ALDH1A1: variants seen among roughly 807,000 people sequenced by gnomAD.
ALDH1A1 encodes the protein aldehyde dehydrogenase 1A1.
A neutral mutation model predicts 62.1 loss-of-function variants in ALDH1A1; 19 were observed. That is an observed-to-expected ratio of 0.31 (90% CI 0.21 to 0.45). The LOEUF (loss-of-function observed/expected upper bound fraction) is 0.45, where lower values mean the gene tolerates loss of function less well. Ranked by LOEUF, ALDH1A1 falls within the 20% of genes least tolerant of loss-of-function variation. The pLI, the probability that ALDH1A1 is intolerant of heterozygous loss-of-function variation, is 1.00. For synonymous variants in ALDH1A1, 231 were observed against 215.9 expected (o/e 1.07, Z -0.61); for missense variants, 521 against 607.1 (o/e 0.86, Z 1.49).
chr9:72,909,135 C>T (rs1231446422), intron 11 of ALDH1A1, among the ~76,000 whole-genome samples: 2 of 146,636 alleles, frequency 1.4e-5, no homozygotes, highest in Non-Finnish European at 3.0e-5. Context: ...AATATCCTCC[C>T]TAAAGTTCTT....
rs114643329 is a variant in ALDH1A1, at chr9:72,946,461, C to T, written c.67-6209G>A. On this transcript the variant is annotated intron_variant, in intron 1 of 12. Coordinates refer to ENST00000297785, the MANE Select transcript of ALDH1A1 (RefSeq NM_000689.5). ...ATCAGGTAGAGATAATATCAGAAAA[C>T]CCAATATTAGCAACACTTCACATCC... Among the ~76,000 whole-genome samples the T allele has an allele frequency of 3.6e-3, 542 of 151,994 alleles. 5 individuals are homozygous for T. Among genetic ancestry groups the T allele is most frequent in the African/African-American group, 0.012 (515 of 41,496 alleles).
chr9:72,942,273 C>A, intron 1 of ALDH1A1: 1 of 984,896 alleles, frequency 1.0e-6, no homozygotes, highest in Non-Finnish European at 1.2e-6. Flanking sequence ...CAAGGGATGG[C>A]TGGGAAAGAA....
At position 72,908,507 on chromosome 9, in the gene ALDH1A1, GA is replaced by G. The variant is rs1346258659; in HGVS notation, c.1358+1094del. On this transcript the variant is annotated intron_variant, in intron 11 of 12. Transcript: ENST00000297785. ...GAAAGAGAAAGAGAGAGAGAGAGAC[GA>G]AAGAAAGAAAGAAAGAAAGAAAGAA... Among the ~76,000 whole-genome samples the G allele has an allele frequency of 3.3e-3, 19 of 5,756 alleles. 4 individuals are homozygous for G. In the East Asian group the frequency reaches 0.079, roughly 24 times the overall value. The allele number at this position is 5,756 out of a possible 152,430, so 3.8% of individuals were successfully genotyped here. A position where few individuals can be genotyped will look rare whatever the true frequency, so the allele number is the denominator to read the frequency against.
intron 7 of ALDH1A1, among the ~76,000 whole-genome samples, chr9:72,920,946 C>G (rs1830132945): frequency 6.6e-6 from 1 of 152,152 alleles, no homozygotes; most frequent in African/African-American, 2.4e-5. Flanking sequence ...GGGTAGAGTT[C>G]TATTTTATAT....
intron 7 of ALDH1A1, among the ~76,000 whole-genome samples, chr9:72,921,227 G>A (rs1830138179): frequency 7.0e-6 from 1 of 142,934 alleles, no homozygotes; most frequent in African/African-American, 2.7e-5. Flanking sequence ...GGGTGACAGT[G>A]CACGACTCCT....
rs773380862 is a variant in ALDH1A1, at chr9:72,909,711, C to T, written c.1249G>A (p.Val417Met). The change falls in exon 11 of 13, where the codon GTG (valine) becomes ATG (methionine). Residue 417 changes from valine to methionine, a missense_variant. Transcript: ENST00000297785. Reference sequence around the variant, plus strand: ...AAAGTATTGTTTGCTCTTTTGATCACGTCATCTAAAGATTTAAACTTCATG... The same window carrying T: ...AAAGTATTGTTTGCTCTTTTGATCATGTCATCTAAAGATTTAAACTTCATG... ...QIMKFKSLDDVIKRANNTFYG... is the reference protein window; with the variant it reads ...QIMKFKSLDDMIKRANNTFYG... 30 of 1,613,578 alleles carry T rather than the reference C, an allele frequency of 1.9e-5. No individual in the cohort carries two copies. The Admixed American group carries it at 3.0e-4, about 16-fold the overall frequency.
intron 9 of ALDH1A1, among the ~76,000 whole-genome samples, chr9:72,913,319 A>T (rs910363012): frequency 1.3e-5 from 2 of 152,202 alleles, no homozygotes; most frequent in Non-Finnish European, 2.9e-5. Context: ...ATTTAATATA[A>T]TATCCCAGAA....
chr9:72,949,317 T>C (rs768162674), intron 1 of ALDH1A1, among the ~76,000 whole-genome samples: 34 of 151,898 alleles, frequency 2.2e-4, no homozygotes, highest in Non-Finnish European at 4.3e-4. Context: ...AAGACCATGG[T>C]AATCAGCAAT....
chr9:72,906,131 C>T, intron 11 of ALDH1A1, 99 bp from the exon 12 acceptor site: 1 of 773,424 alleles, frequency 1.3e-6, no homozygotes, highest in East Asian at 2.7e-5. Context: ...TTACAAACTC[C>T]ATTAATTTCA....
At chr9:72,931,043 T>A (rs1282639331) in intron 2 of ALDH1A1, 24 bp from the exon 3 acceptor site, 16 of 1,613,700 alleles carry the variant, frequency 9.9e-6, no homozygotes, top group Non-Finnish European at 1.4e-5. Flanking sequence ...GGAATTCAAT[T>A]CAGTAAGCTA....
chr9:72,942,442 T>C, intron 1 of ALDH1A1: 1 of 891,012 alleles, frequency 1.1e-6, no homozygotes, highest in Non-Finnish European at 1.3e-6. Context: ...CTAGGTACCC[T>C]TTTGTATCAC....
intron 1 of ALDH1A1, among the ~76,000 whole-genome samples, chr9:72,946,340 G>A (rs183438328): frequency 2.6e-5 from 4 of 152,064 alleles, no homozygotes; most frequent in Non-Finnish European, 5.9e-5. Flanking sequence ...CCAGGGTTGG[G>A]GGAGGGAACG....
At chr9:72,902,326 T>C (rs1829816037) in intron 12 of ALDH1A1, among the ~76,000 whole-genome samples, 3 of 152,064 alleles carry the variant, frequency 2.0e-5, no homozygotes, top group Non-Finnish European at 4.4e-5. Flanking sequence ...ATAACACTCA[T>C]GCACATGTAG....
intron 2 of ALDH1A1, among the ~76,000 whole-genome samples, chr9:72,933,893 C>T (rs1032795231): frequency 2.0e-5 from 3 of 152,082 alleles, no homozygotes; most frequent in Admixed American, 6.5e-5. Context: ...CCTGACGAGC[C>T]TCAGGTGATC....
At chr9:72,948,362 C>T (rs893535909) in intron 1 of ALDH1A1, among the ~76,000 whole-genome samples, 10 of 151,948 alleles carry the variant, frequency 6.6e-5, no homozygotes, top group African/African-American at 2.4e-4. Flanking sequence ...TTAAGCACCT[C>T]TCAGTGATCT....
At chr9:72,938,509 C>T (rs535835632) in intron 2 of ALDH1A1, among the ~76,000 whole-genome samples, 8 of 152,196 alleles carry the variant, frequency 5.3e-5, no homozygotes, top group South Asian at 4.2e-4. Context: ...TGCAATGATG[C>T]GATCTCGGCT....
intron 6 of ALDH1A1, among the ~76,000 whole-genome samples, chr9:72,925,057 A>G (rs1830187252): frequency 6.6e-6 from 1 of 152,230 alleles, no homozygotes; most frequent in Non-Finnish European, 1.5e-5. Context: ...GCCCAATATT[A>G]CAAACAAGCA....
chr9:72,902,517 A>T (rs8187993), intron 12 of ALDH1A1, among the ~76,000 whole-genome samples: 2,687 of 152,134 alleles, frequency 0.018, 75 homozygotes, highest in African/African-American at 0.062. Flanking sequence ...TCCTTAAAGT[A>T]ATTAAAGGGC....
At chr9:72,901,348 G>A (rs1164015748) in intron 12 of ALDH1A1, 68 bp from the exon 13 acceptor site, 2 of 1,120,472 alleles carry the variant, frequency 1.8e-6, no homozygotes, top group African/African-American at 3.1e-5. Flanking sequence ...TGTAGTTCAT[G>A]TTTGGTACGA....
Sources: gnomAD v4.1 joint callset for allele counts (sites outside exome capture counted in the v4.1 genomes callset) on GRCh38, gnomAD v4.1.1 for gene constraint, MANE v1.5 for transcripts, NCBI Gene and HGNC (gene_info 2026-07-23, HGNC 2026-07-21) for gene names.